The following KRT24 variants were observed in gnomAD, a reference collection of about 807,000 sequenced individuals.
The protein encoded by KRT24 is keratin 24.
In KRT24, 44 loss-of-function variants were observed where a neutral mutation model predicts 51.7. The observed-to-expected ratio is 0.85, with a 90% confidence interval of 0.67 to 1.09. The LOEUF is 1.09. KRT24 is among the 50% of genes least tolerant of loss of function. The pLI is 0.00. For missense variants in KRT24, 633 were observed against 647.0 expected (o/e 0.98, Z 0.24); for synonymous variants, 241 against 249.5 (o/e 0.97, Z 0.32).
Position 40,698,540 on chromosome 17 carries a change from C to A in KRT24, c.1472G>T (p.Arg491Leu). ...TATCAATATTAAAAAAAGTCTACCT[C>A]GTCCTTGACCAGAACAGCTTCCAGA... is the stretch of plus-strand genomic sequence containing the variant. Reference protein sequence around the residue: ...SRSGSCSGQGRDSSKTRVTKT... With the variant: ...SRSGSCSGQGLDSSKTRVTKT... The change falls in exon 7 of 8, where the codon CGA becomes CTA. Residue 491 changes from arginine to leucine, a missense_variant and splice_region_variant. By Grantham distance (102) the Arg-to-Leu change is moderately radical (BLOSUM62 -2). Transcript: ENST00000264651. 1.9e-6 allele frequency: 3 copies of A among 1,565,598 alleles called. No homozygotes were observed. Among genetic ancestry groups the A allele is most frequent in the Non-Finnish European group, 2.6e-6 (3 of 1,143,028 alleles).
At position 40,703,153 on chromosome 17, in the gene KRT24, G is replaced by A; in HGVS notation, c.541C>T (p.Pro181Ser). The A allele has an allele frequency of 6.2e-7, 1 of 1,613,886 alleles. No individual in the cohort carries two copies. The highest frequency in any genetic ancestry group is 8.5e-7 in the Non-Finnish European group (1 of 1,179,884). The stretch of plus-strand genomic sequence containing the variant: ...CCCGATCCACCGTCTCCAGACCCAG[G>A]CCCATATTTGTCATACCACTCCTTG... The part of the protein sequence containing the change: ...KIKEWYDKYG[P>S]GSGDGGSGRD... The change falls in exon 1 of 8, where the codon CCT becomes TCT. Residue 181 changes from proline to serine, a missense_variant. Pro to Ser is a moderately conservative substitution (Grantham distance 74). Coordinates refer to ENST00000264651, the MANE Select transcript of KRT24 (RefSeq NM_019016.3).
At position 40,701,935 on chromosome 17, in the gene KRT24, TA is replaced by T; in HGVS notation, c.616-3del. On this transcript the variant is annotated splice_region_variant and splice_polypyrimidine_tract_variant and intron_variant, in intron 1 of 7. Transcript: ENST00000264651. ...ATTTTCAACAGTGGCAGCAATGATC[TA>T]AAAAAGATGTTAATAGTGAGTGAAT... 4.6e-6 allele frequency: 7 copies of T among 1,517,938 alleles called. No homozygotes were observed. Among genetic ancestry groups the T allele is most frequent in the East Asian group, 4.9e-5 (2 of 40,816 alleles). 94.0% of individuals were successfully genotyped at this position (1,517,938 alleles called of 1,614,324 possible).
At position 40,698,129 on chromosome 17, in the gene KRT24, T is replaced by G. The variant is rs1304771228; in HGVS notation, c.*108A>C. 1 of 714,642 alleles carries G rather than the reference T, an allele frequency of 1.4e-6. No homozygotes were observed. The highest frequency in any genetic ancestry group is 2.4e-6 in the Non-Finnish European group (1 of 420,752). 44.3% of individuals were successfully genotyped at this position (714,642 alleles called of 1,614,324 possible). Reference sequence around the variant, plus strand: ...TAGTCATCCATTTCTGGACTGAAGCTTTTCCTGAAATTATCCAGAAAGATG... The same window carrying G: ...TAGTCATCCATTTCTGGACTGAAGCGTTTCCTGAAATTATCCAGAAAGATG... On this transcript the variant is annotated 3_prime_UTR_variant, in exon 8 of 8. Transcript: ENST00000264651.
chr17:40,702,877 A>G (rs931364448), intron 1 of KRT24, among the ~76,000 whole-genome samples: 2 of 152,212 alleles, frequency 1.3e-5, no homozygotes, highest in Non-Finnish European at 2.9e-5. Context: ...AGAAATACTG[A>G]AACTGAGATG....
In KRT24 at chr17:40,698,252, C is replaced by T. The variant is rs553868949; in HGVS notation, c.1563G>A (p.Glu521=). The change falls in exon 8 of 8, where the codon GAG becomes GAA. Residue 521 remains glutamate (E), a synonymous_variant. Coordinates refer to ENST00000264651, the MANE Select transcript of KRT24 (RefSeq NM_019016.3). ...VVSSQVSSIS[E]VKVK is the part of the protein sequence containing the mutation. ...TGGAAGTTCCTTATTTAACTTTCAC[C>T]TCAGAAATACTGCTGACTTGAGACG... The T allele has an allele frequency of 1.9e-6, 3 of 1,610,506 alleles. No homozygotes were observed. The highest frequency in any genetic ancestry group is 2.2e-5 in the South Asian group (2 of 90,984).
rs1369435012 is a variant in KRT24, at chr17:40,700,309, C to T, written c.930G>A (p.Leu310=). Residue 310 remains leucine (L), a synonymous_variant, in exon 4 of 8, where the codon CTG becomes CTA. Coordinates refer to ENST00000264651, the MANE Select transcript of KRT24 (RefSeq NM_019016.3). ...VEMNAAPGTD[L]TKLLNDMRAQ... is the part of the protein sequence containing the mutation. ...CCCTCATGTCATTCAGTAATTTGGT[C>T]AGGTCGGTCCCTGGCGCAGCATTCA... 6.2e-7 allele frequency: 1 copy of T among 1,613,998 alleles called. No individual in the cohort carries two copies. The highest frequency in any genetic ancestry group is 8.5e-7 in the Non-Finnish European group (1 of 1,180,012).
chr17:40,700,202 G>A lies in KRT24; in HGVS notation c.1017+20C>T. On this transcript the variant is annotated intron_variant, in intron 4 of 7. Coordinates refer to ENST00000264651, the MANE Select transcript of KRT24 (RefSeq NM_019016.3). ...CTTGTGTGTGGCTACTGGCTTAGGT[G>A]CTCAGCAGAGAGGATCTACCTGCTT... The A allele has an allele frequency of 6.2e-7, 1 of 1,613,990 alleles. No homozygotes were observed. Among genetic ancestry groups the A allele is most frequent in the Non-Finnish European group, 8.5e-7 (1 of 1,179,934 alleles).
chr17:40,700,200 G>T (rs773797299), intron 4 of KRT24, 22 bp downstream of exon 4: 1 of 1,613,952 alleles, frequency 6.2e-7, no homozygotes, highest in Non-Finnish European at 8.5e-7. Context: ...ACTGGCTTAG[G>T]TGCTCAGCAG....
rs775327118 is a variant in KRT24, at chr17:40,698,570, G to A, written c.1442C>T (p.Ser481Leu). Reference protein sequence around the residue: ...MGSRDLVSGDSRSGSCSGQGR... With the variant: ...MGSRDLVSGDLRSGSCSGQGR... ...TTGACCAGAACAGCTTCCAGATCTT[G>A]AGTCACCAGATACCAGATCCCTGGA... Residue 481 changes from serine to leucine, a missense_variant, in exon 7 of 8, where the codon TCA (serine) becomes TTA (leucine). Transcript: ENST00000264651. 3.0e-5 allele frequency: 49 copies of A among 1,611,330 alleles called. No homozygotes were observed. In the Admixed American group the frequency reaches 6.2e-4, roughly 20 times the overall value.
In KRT24 at chr17:40,701,888, C is replaced by A; in HGVS notation, c.661G>T (p.Asp221Tyr). The change falls in exon 2 of 8, where the codon GAC becomes TAC. Residue 221 changes from aspartate to tyrosine, a missense_variant. Coordinates refer to ENST00000264651, the MANE Select transcript of KRT24 (RefSeq NM_019016.3). ...TCATCAGCAGCCAATCTGGCATTGT[C>A]AATGTGCAAAATGATCCCAGCATTT... ...VENAGIILHI[D>Y]NARLAADDFR... 6.5e-7 allele frequency: 1 copy of A among 1,542,020 alleles called. No homozygotes were observed. Among genetic ancestry groups the A allele is most frequent in the Non-Finnish European group, 8.8e-7 (1 of 1,137,344 alleles).
In KRT24 at chr17:40,703,297, C is replaced by T; in HGVS notation, c.397G>A (p.Gly133Arg). The T allele has an allele frequency of 6.2e-7, 1 of 1,614,072 alleles. No individual in the cohort carries two copies. The highest frequency in any genetic ancestry group is 1.1e-5 in the South Asian group (1 of 91,074). The change falls in exon 1 of 8, where the codon GGG (glycine) becomes AGG (arginine). Residue 133 changes from glycine to arginine, a missense_variant. Transcript: ENST00000264651. ...GGGMGGGVGDGGLFSGGEKQT... is the reference protein window; with the variant it reads ...GGGMGGGVGDRGLFSGGEKQT... ...TTTTCCCCTCCAGAGAAAAGCCCCC[C>T]ATCGCCAACACCACCTCCCATACCA...
At position 40,700,154 on chromosome 17, in the gene KRT24, G is replaced by T; in HGVS notation, c.1018-31C>A. 4 of 1,614,098 alleles carry T rather than the reference G, an allele frequency of 2.5e-6. No homozygotes were observed. In the South Asian group the frequency reaches 4.4e-5, roughly 18 times the overall value. ...TACAAACATAATGCAGCTGTTGTAG[G>T]CTGATGAAAGGAGCAGAAGCGGCTT... is the stretch of plus-strand genomic sequence containing the variant. On this transcript the variant is annotated intron_variant, in intron 4 of 7. Transcript: ENST00000264651.
Position 40,699,650 on chromosome 17 carries a change from CA to C in KRT24, c.1154del (p.Leu385ArgfsTer85). ...LQSQLAMKSS[L>X]EGTLADTEAG... ...CTTCTGTGTCAGCCAGGGTTCCCTC[CA>C]GGGAGCTTTTCTAAGAGAAAAAGCA... On this transcript the variant is annotated frameshift_variant, in exon 6 of 8. Transcript: ENST00000264651. LOFTEE classifies it high-confidence loss of function. 6.2e-7 allele frequency: 1 copy of C among 1,613,662 alleles called. No individual in the cohort carries two copies. Among genetic ancestry groups the C allele is most frequent in the Non-Finnish European group, 8.5e-7 (1 of 1,179,722 alleles).
At position 40,701,267 on chromosome 17, in the gene KRT24, C is replaced by T. The variant is rs560684212; in HGVS notation, c.728G>A (p.Ser243Asn). The change falls in exon 3 of 8, where the codon AGC becomes AAC. Residue 243 changes from serine (S) to asparagine (N), a missense_variant. By Grantham distance (46) the Ser-to-Asn change is conservative. Transcript: ENST00000264651. ...KYENELCLRQ[S>N]VEADINGLRK... ...CAGGCCATTGATGTCAGCCTCCACG[C>T]TCTGCCGGAGACACAGCTCGTTCTC... The T allele has an allele frequency of 1.2e-6, 2 of 1,613,886 alleles. No individual in the cohort carries two copies. The highest frequency in any genetic ancestry group is 1.7e-6 in the Non-Finnish European group (2 of 1,179,962).
At chr17:40,702,043 G>A in intron 1 of KRT24, 110 bp from the exon 2 acceptor site, 1 of 438,068 alleles carries the variant, frequency 2.3e-6, no homozygotes, top group South Asian at 4.3e-5. Context: ...TTTTTTGTGT[G>A]TGTGTAGAGA....
chr17:40,700,228 G>A lies in KRT24; in HGVS notation c.1011C>T (p.Asn337=), dbSNP rs1380962015. ...QNRREAEERF[N]KQSASLQAQI... ...CTCAGCAGAGAGGATCTACCTGCTTGTTGAACCGCTCCTCAGCCTCTCGGC... is the reference window on the plus strand; with the variant it reads ...CTCAGCAGAGAGGATCTACCTGCTTATTGAACCGCTCCTCAGCCTCTCGGC... The change falls in exon 4 of 8, where the codon AAC becomes AAT. Residue 337 remains asparagine (N), a synonymous_variant. Coordinates refer to ENST00000264651, the MANE Select transcript of KRT24 (RefSeq NM_019016.3). 1 of 1,614,124 alleles carries A rather than the reference G, an allele frequency of 6.2e-7. No individual in the cohort carries two copies. The highest frequency in any genetic ancestry group is 8.5e-7 in the Non-Finnish European group (1 of 1,180,016).
chr17:40,700,438 G>A, intron 3 of KRT24, 55 bp from the exon 4 acceptor site: 4 of 1,356,992 alleles, frequency 2.9e-6, no homozygotes, highest in East Asian at 2.3e-5. Flanking sequence ...GATGACTTCC[G>A]AAAATGTGCC....
chr17:40,699,900 C>G, intron 5 of KRT24, 98 bp downstream of exon 5: 1 of 1,465,762 alleles, frequency 6.8e-7, no homozygotes, highest in Non-Finnish European at 9.4e-7. Flanking sequence ...CTCCTTAACA[C>G]TGCCTTTTTT....
Position 40,700,282 on chromosome 17 carries a change from C to T in KRT24, c.957G>A (p.Ala319=), listed in dbSNP as rs776478694. The T allele has an allele frequency of 6.8e-6, 11 of 1,613,986 alleles. No homozygotes were observed. Among genetic ancestry groups the T allele is most frequent in the South Asian group, 4.4e-5 (4 of 91,078 alleles). The stretch of plus-strand genomic sequence containing the variant: ...TTTGCTCAGCCAGCTCCTCGTACTG[C>T]GCCCTCATGTCATTCAGTAATTTGG... ...DLTKLLNDMR[A]QYEELAEQNR... The change falls in exon 4 of 8, where the codon GCG becomes GCA. Residue 319 remains alanine (A), a synonymous_variant. Transcript: ENST00000264651.
Sources: allele counts gnomAD v4.1 joint callset (sites outside exome capture counted in the v4.1 genomes callset), GRCh38; gene constraint gnomAD v4.1.1; transcripts MANE v1.5; gene names NCBI Gene and HGNC (gene_info 2026-07-23, HGNC 2026-07-21).